H2BC18: variants seen among roughly 807,000 people sequenced by gnomAD.
H2BC18 encodes the protein histone H2B type 2-F.
A neutral mutation model predicts 6.3 loss-of-function variants in H2BC18; 8 were observed. That is an observed-to-expected ratio of 1.28 (90% CI 0.75 to 2.31). The LOEUF (loss-of-function observed/expected upper bound fraction) is 2.31. H2BC18 is among the 30% of genes most tolerant of loss of function. The pLI is 0.00. For synonymous variants in H2BC18, 104 were observed against 78.1 expected (o/e 1.33, Z -1.75); for missense variants, 106 against 174.5 (o/e 0.61, Z 2.21).
At chr1:149,797,732 G>A (rs192571459) in intron 1 of H2BC18, among the ~76,000 whole-genome samples, 52 of 152,232 alleles carry the variant, frequency 3.4e-4, no homozygotes, top group African/African-American at 8.7e-4. Flanking sequence ...CTAGCAGTTC[G>A]AACTATAGGC....
chr1:149,791,875 GACAC>G, intron 1 of H2BC18: 1 of 269,590 alleles, frequency 3.7e-6, no homozygotes, highest in Non-Finnish European at 6.7e-6. Context: ...GACAGAAAGA[GACAC>G]ACACACAGCC....
In H2BC18 at chr1:149,784,140, C is replaced by G. The variant is rs1262314878; in HGVS notation, c.378-880G>C. ...GTGGTTTCTCAATGGCACAGCCACT[C>G]AGACCTCGACCCCCAGCTACAGAAT... On this transcript the variant is annotated intron_variant, in intron 1 of 1. Coordinates refer to the H2BC18 transcript ENST00000545683. The G allele has an allele frequency of 1.2e-6, 2 of 1,611,790 alleles. No individual in the cohort carries two copies. The highest frequency in any genetic ancestry group is 1.7e-6 in the Non-Finnish European group (2 of 1,179,848).
At chr1:149,800,669 C>T (rs1228637493) in intron 1 of H2BC18, among the ~76,000 whole-genome samples, 139 of 143,018 alleles carry the variant, frequency 9.7e-4, no homozygotes, top group African/African-American at 3.5e-3. Flanking sequence ...TGGATTTATC[C>T]CTTGTTGAAT....
At chr1:149,793,693 G>A (rs587727646) in intron 1 of H2BC18, among the ~76,000 whole-genome samples, 55 of 151,796 alleles carry the variant, frequency 3.6e-4, no homozygotes, top group African/African-American at 1.0e-3. Context: ...GAGCAGAACC[G>A]GCATTAGGTT....
At chr1:149,788,818 G>A (rs1195796995) in intron 1 of H2BC18, among the ~76,000 whole-genome samples, 1 of 152,164 alleles carries the variant, frequency 6.6e-6, no homozygotes, top group Non-Finnish European at 1.5e-5. Context: ...TCTTTCCAGT[G>A]TACCGCAACC....
chr1:149,808,572 TAAAGGAA>T (rs1381579372), downstream of H2BC18, among the ~76,000 whole-genome samples: 2 of 152,216 alleles, frequency 1.3e-5, no homozygotes, highest in Non-Finnish European at 2.9e-5. Flanking sequence ...AGAGATAAAC[TAAAGGAA>T]AATATTACAA....
chr1:149,788,727 G>C (rs1462914046), intron 1 of H2BC18: 2 of 1,332,484 alleles, frequency 1.5e-6, no homozygotes, highest in African/African-American at 2.9e-5. Flanking sequence ...GGGCTCCAGA[G>C]AGGTAAACTG....
chr1:149,793,818 C>T (rs1553752508), intron 1 of H2BC18: 1 of 1,187,372 alleles, frequency 8.4e-7, no homozygotes, highest in Non-Finnish European at 1.1e-6. Flanking sequence ...TTTCAGAACA[C>T]TCAGAGGTTC....
At chr1:149,792,208 A>C (rs1553752020) in intron 1 of H2BC18, 1 of 167,276 alleles carries the variant, frequency 6.0e-6, no homozygotes, top group Non-Finnish European at 1.3e-5. Context: ...CCCTGTAGGA[A>C]GGCAGAATGT....
chr1:149,796,282 G>A (rs1461340271), intron 1 of H2BC18, among the ~76,000 whole-genome samples: 4 of 152,186 alleles, frequency 2.6e-5, no homozygotes, highest in Non-Finnish European at 4.4e-5. Context: ...AAGATTCCCA[G>A]ACATAATATG....
At chr1:149,810,239 C>A (rs1379183089), downstream of H2BC18, among the ~76,000 whole-genome samples, 4 of 151,972 alleles carry the variant, frequency 2.6e-5, no homozygotes, top group Non-Finnish European at 4.4e-5. Context: ...GGCCGTCTCA[C>A]TTACTGAGTA....
chr1:149,812,265 G>A lies in H2BC18; in HGVS notation c.59C>T (p.Thr20Met), dbSNP rs782159989. 19 of 1,614,112 alleles carry A rather than the reference G, an allele frequency of 1.2e-5. No individual in the cohort carries two copies. The highest frequency in any genetic ancestry group is 8.8e-5 in the South Asian group (8 of 91,094). The change falls in exon 1 of 1, where the codon ACG becomes ATG. Residue 20 changes from threonine (T) to methionine (M), a missense_variant. This residue lies in a region of H2BC18 where 70 missense variants were observed against 64.6 expected (regional missense o/e 1.08). Transcript: ENST00000369167. ...APKKGSKKAV[T>M]KVQKKDGKKR... The stretch of plus-strand genomic sequence containing the variant: ...CTTGCCGTCCTTCTTCTGCACTTTC[G>A]TAACAGCCTTTTTGGAGCCCTTCTT...
intron 1 of H2BC18, among the ~76,000 whole-genome samples, chr1:149,795,764 T>TA (rs1194963788): frequency 6.6e-6 from 1 of 150,800 alleles, no homozygotes; most frequent in African/African-American, 2.5e-5. Flanking sequence ...AGGCCGCTTA[T>TA]AAAAACCCCA....
At chr1:149,784,098 G>A (rs1553750506) in intron 1 of H2BC18, 21 of 1,611,444 alleles carry the variant, frequency 1.3e-5, no homozygotes, top group Non-Finnish European at 1.4e-5. Flanking sequence ...CCATCTGCCT[G>A]GGAGCAGCTC....
At position 149,811,880 on chromosome 1, in the gene H2BC18, G is replaced by A; in HGVS notation, c.*63C>T. 1 of 1,417,614 alleles carries A rather than the reference G, an allele frequency of 7.1e-7. No individual in the cohort carries two copies. The highest frequency in any genetic ancestry group is 9.9e-7 in the Non-Finnish European group (1 of 1,014,294). The allele number at this position is 1,417,614 out of a possible 1,614,324, so 87.8% of individuals were successfully genotyped here. On this transcript the variant is annotated 3_prime_UTR_variant, in exon 1 of 1. Transcript: ENST00000369167. ...GTTTACAGCTGCTTTCTCGATTACT[G>A]AAGTGGCTCTGAAAAGAGCCTTTGG...
chr1:149,806,146 G>A (rs1553753844), intron 1 of H2BC18, among the ~76,000 whole-genome samples: 1 of 151,834 alleles, frequency 6.6e-6, no homozygotes, highest in African/African-American at 2.4e-5. Flanking sequence ...TGCAAGAGAA[G>A]CTGGTAAATT....
intron 1 of H2BC18, among the ~76,000 whole-genome samples, chr1:149,804,754 G>A (rs587605773): frequency 6.6e-6 from 1 of 152,148 alleles, no homozygotes; most frequent in Non-Finnish European, 1.5e-5. Flanking sequence ...AATAACTTGA[G>A]GATCAATTTG....
chr1:149,791,193 G>A, intron 1 of H2BC18: 2 of 1,605,544 alleles, frequency 1.2e-6, no homozygotes, highest in Admixed American at 1.7e-5. Context: ...AGACCCCTCT[G>A]GTCTCTAAAT....
intron 1 of H2BC18, among the ~76,000 whole-genome samples, chr1:149,804,774 A>T (rs587651509): frequency 3.2e-4 from 49 of 152,236 alleles, no homozygotes; most frequent in Middle Eastern, 3.4e-3. Flanking sequence ...GCTGTAAGGA[A>T]GTTTATTTAT....
Sources: allele counts gnomAD v4.1 joint callset (sites outside exome capture counted in the v4.1 genomes callset), GRCh38; gene constraint gnomAD v4.1.1; regional missense constraint gnomAD v4.1.1; transcripts MANE v1.5; gene names NCBI Gene and HGNC (gene_info 2026-07-23, HGNC 2026-07-21).